Variants in DHX57 observed in about 807,000 individuals in gnomAD.
DHX57 encodes the protein DExH-box helicase 57.
In DHX57, 105 loss-of-function variants were observed where a neutral mutation model predicts 156.2. The ratio of observed to expected loss-of-function variants is 0.67; its 90% CI spans 0.57 to 0.79. DHX57 has a LOEUF of 0.79. Among genes scored for constraint, DHX57 ranks in the 30% least tolerant of loss-of-function variants. DHX57 has a pLI of 0.00. For synonymous variants in DHX57, 704 were observed against 595.6 expected (o/e 1.18, Z -2.65); for missense variants, 1,847 against 1,661.9 (o/e 1.11, Z -1.94).
At chr2:38,822,667 T>G (rs1475851249) in intron 17 of DHX57, among the ~76,000 whole-genome samples, 2 of 152,200 alleles carry the variant, frequency 1.3e-5, no homozygotes, top group African/African-American at 4.8e-5. Flanking sequence ...AGTGCGGGGA[T>G]TACAGGCATA....
At chr2:38,843,310 G>A in intron 11 of DHX57, 100 bp from the exon 12 acceptor site, 2 of 1,229,856 alleles carry the variant, frequency 1.6e-6, no homozygotes, top group Non-Finnish European at 2.3e-6. Context: ...AAATGTCACT[G>A]TCTGCCCAAT....
At chr2:38,810,643 A>T (rs574618224) in intron 21 of DHX57, 1 of 663,762 alleles carries the variant, frequency 1.5e-6, no homozygotes, top group Non-Finnish European at 2.8e-6. Flanking sequence ...TTTCCCTTCC[A>T]CTCGGTCCTG....
intron 21 of DHX57, 100 bp from the exon 22 acceptor site, chr2:38,806,793 G>A (rs1395243960): frequency 1.8e-6 from 2 of 1,111,634 alleles, no homozygotes; most frequent in African/African-American, 3.2e-5. Flanking sequence ...GCTCAGTCTT[G>A]CTTGAATAGC....
At chr2:38,855,274 T>A (rs1422745638) in intron 7 of DHX57, 22 bp from the exon 8 acceptor site, 3 of 1,613,180 alleles carry the variant, frequency 1.9e-6, no homozygotes, top group Non-Finnish European at 2.5e-6. Context: ...AACAAATAAG[T>A]CCTAAAATGA....
At chr2:38,854,994 A>G (rs1672810811) in intron 8 of DHX57, 63 bp downstream of exon 8, 1 of 1,602,646 alleles carries the variant, frequency 6.2e-7, no homozygotes, top group Non-Finnish European at 8.5e-7. Context: ...CCTAACCCCC[A>G]AAACTTTTTA....
intron 11 of DHX57, among the ~76,000 whole-genome samples, chr2:38,846,319 A>G (rs1219164049): frequency 6.6e-6 from 1 of 152,188 alleles, no homozygotes; most frequent in Non-Finnish European, 1.5e-5. Context: ...GCTACTTGCC[A>G]AAGTTATAGT....
At chr2:38,821,608 G>A (rs1296502022) in intron 17 of DHX57, among the ~76,000 whole-genome samples, 1 of 152,054 alleles carries the variant, frequency 6.6e-6, no homozygotes, top group Admixed American at 6.6e-5. Context: ...CAGGAGAATC[G>A]CTTGAACCTG....
intron 19 of DHX57, among the ~76,000 whole-genome samples, chr2:38,816,773 C>G (rs1670566526): frequency 6.6e-6 from 1 of 152,114 alleles, no homozygotes; most frequent in African/African-American, 2.4e-5. Context: ...ACCGCAGTTT[C>G]TATTTCATGA....
rs554188504 is a variant in DHX57, at chr2:38,850,325, C to A, written c.2031-1923G>T. ...TGAGACAAGGTTTCGCTCTGTCACC[C>A]AGGCTGGAGTGCAGTGGCGTTATCA... On this transcript the variant is annotated intron_variant, in intron 9 of 23. Transcript: ENST00000457308. Among the ~76,000 whole-genome samples, 7 of 152,222 alleles carry A rather than the reference C, an allele frequency of 4.6e-5. No homozygotes were observed. In the East Asian group the frequency reaches 1.4e-3, roughly 29 times the overall value.
At position 38,826,566 on chromosome 2, in the gene DHX57, G is replaced by T. The variant is rs769777553; in HGVS notation, c.2763C>A (p.Thr921=). The T allele has an allele frequency of 6.2e-7, 1 of 1,614,032 alleles. No homozygotes were observed. The highest frequency in any genetic ancestry group is 1.1e-5 in the South Asian group (1 of 91,070). ...CGATAACATAGACAACATCATCGATGGTTATGGATGTCTCAGCAATGTTGG... is the reference window on the plus strand; with the variant it reads ...CGATAACATAGACAACATCATCGATTGTTATGGATGTCTCAGCAATGTTGG... ...ISTNIAETSI[T]IDDVVYVIDS... Residue 921 remains threonine (T), a synonymous_variant, in exon 15 of 24, where the codon ACC becomes ACA. Coordinates refer to ENST00000457308, the MANE Select transcript of DHX57 (RefSeq NM_198963.3).
At chr2:38,849,739 C>T (rs1672484733) in intron 9 of DHX57, among the ~76,000 whole-genome samples, 1 of 152,090 alleles carries the variant, frequency 6.6e-6, no homozygotes, top group Non-Finnish European at 1.5e-5. Flanking sequence ...GAGGCATGCA[C>T]CTTGGGTCTT....
Position 38,868,259 on chromosome 2 carries a change from G to A in DHX57, c.147C>T (p.Gly49=), listed in dbSNP as rs1665179822. ...ATATTCTACTGGAGGCCTTTCTGTTGCCGCCACCTCCACCACCACCACCAC... is the reference window on the plus strand; with the variant it reads ...ATATTCTACTGGAGGCCTTTCTGTTACCGCCACCTCCACCACCACCACCAC... ...GGGGGGGGGG[G]NRKASSRIWD... The change falls in exon 2 of 24, where the codon GGC becomes GGT. Residue 49 remains glycine (G), a synonymous_variant. Transcript: ENST00000457308. 1 of 1,613,772 alleles carries A rather than the reference G, an allele frequency of 6.2e-7. No individual in the cohort carries two copies.
intron 12 of DHX57, among the ~76,000 whole-genome samples, chr2:38,839,688 T>C: frequency 6.7e-6 from 1 of 149,734 alleles, no homozygotes; most frequent in East Asian, 2.0e-4. Flanking sequence ...GCTACTGCAC[T>C]CCTGCTGGGC....
At position 38,855,082 on chromosome 2, in the gene DHX57, T is replaced by C. The variant is rs774160485; in HGVS notation, c.1880A>G (p.Tyr627Cys). 3 of 1,614,124 alleles carry C rather than the reference T, an allele frequency of 1.9e-6. No homozygotes were observed. Among genetic ancestry groups the C allele is most frequent in the Non-Finnish European group, 1.7e-6 (2 of 1,180,028 alleles). Residue 627 changes from tyrosine (Y) to cysteine (C), a missense_variant, in exon 8 of 24, where the codon TAC becomes TGC. Physicochemically the swap from Tyr to Cys is radical, Grantham distance 194. Transcript: ENST00000457308. ...CTTGACACTTTCTAACCGAATCTGG[T>C]ATCCCACGGTCAGACCCACCCTCTC... ...RAERVGLTVG[Y>C]QIRLESVKSS...
chr2:38,851,578 T>C (rs1274821461), intron 9 of DHX57, among the ~76,000 whole-genome samples: 3 of 152,206 alleles, frequency 2.0e-5, no homozygotes, highest in African/African-American at 7.2e-5. Flanking sequence ...TTTATTCAGA[T>C]GTGAACATCT....
At chr2:38,850,104 T>C (rs1025074177) in intron 9 of DHX57, among the ~76,000 whole-genome samples, 2 of 152,194 alleles carry the variant, frequency 1.3e-5, no homozygotes, top group Admixed American at 6.5e-5. Context: ...TTCATTGACT[T>C]ACTAAATGAA....
rs57123362 is a variant in DHX57 at position 38,803,489 on chromosome 2, A to AT, written c.3817-575dup. Among the ~76,000 whole-genome samples the AT allele has an allele frequency of 5.7e-3, 827 of 144,450 alleles. 6 individuals are homozygous for AT. The highest frequency in any genetic ancestry group is 0.014 in the African/African-American group (555 of 39,690). 94.8% of individuals were successfully genotyped at this position (144,450 alleles called of 152,430 possible). Reference sequence around the variant, plus strand: ...TTCTCACCACTTCTACAGCTAACAAATTTTTTTTTTTTTTTGAGACAGAGT... The same window carrying AT: ...TTCTCACCACTTCTACAGCTAACAAATTTTTTTTTTTTTTTTGAGACAGAGT... On this transcript the variant is annotated intron_variant, in intron 22 of 23. Coordinates refer to ENST00000457308, the MANE Select transcript of DHX57 (RefSeq NM_198963.3).
intron 17 of DHX57, among the ~76,000 whole-genome samples, chr2:38,821,679 C>T (rs777923187): frequency 4.6e-5 from 7 of 151,948 alleles, no homozygotes; most frequent in Non-Finnish European, 8.8e-5. Context: ...GGCAACAGAG[C>T]GAGACCCCAT....
intron 8 of DHX57, chr2:38,854,485 C>T (rs1203262693): frequency 5.5e-6 from 1 of 183,396 alleles, no homozygotes; most frequent in Non-Finnish European, 1.1e-5. Context: ...GCAAAACAGT[C>T]TTTACTAGAT....
Sources: gnomAD v4.1 joint callset for allele counts (sites outside exome capture counted in the v4.1 genomes callset) on GRCh38, gnomAD v4.1.1 for gene constraint, MANE v1.5 for transcripts, NCBI Gene and HGNC (gene_info 2026-07-23, HGNC 2026-07-21) for gene names.